Variants in IL12RB1 observed in about 807,000 individuals in gnomAD.
IL12RB1 encodes the protein interleukin-12 receptor subunit beta-1.
IL12RB1 carries 64 observed loss-of-function variants against 94.4 expected under a neutral mutation model. The ratio of observed to expected loss-of-function variants is 0.68; its 90% CI spans 0.55 to 0.83. The LOEUF (loss-of-function observed/expected upper bound fraction) is 0.83. Ranked by LOEUF, IL12RB1 falls within the 40% of genes least tolerant of loss-of-function variation. The pLI is 0.00. For missense variants in IL12RB1, 814 were observed against 855.6 expected (o/e 0.95, Z 0.61); for synonymous variants, 362 against 355.5 (o/e 1.02, Z -0.21).
At chr19:18,071,262 C>T (rs1180818312) in intron 9 of IL12RB1, 1 of 481,572 alleles carries the variant, frequency 2.1e-6, no homozygotes, top group South Asian at 1.6e-5. Context: ...ATCCCAGCTA[C>T]TCGGGAGGCT....
intron 12 of IL12RB1, 120 bp from the exon 13 acceptor site, chr19:18,064,130 C>CTTTATT: frequency 2.2e-6 from 1 of 461,904 alleles, no homozygotes. Flanking sequence ...AATCTCTACT[C>CTTTATT]TTTCTTTCTT....
chr19:18,060,189 T>C (rs2034023685), intron 15 of IL12RB1, 104 bp from the exon 16 acceptor site: 1 of 662,000 alleles, frequency 1.5e-6, no homozygotes. Context: ...TCTAACATCC[T>C]GAGACCTGGA....
Position 18,072,178 on chromosome 19 carries a change from T to C in IL12RB1, c.955A>G (p.Ile319Val). The change falls in exon 9 of 17, where the codon ATC becomes GTC. Residue 319 changes from isoleucine (I) to valine (V), a missense_variant. Coordinates refer to ENST00000593993, the MANE Select transcript of IL12RB1 (RefSeq NM_005535.3). Reference protein sequence around the residue: ...LSGAAYNVAVISSNQFGPGLN... With the variant: ...LSGAAYNVAVVSSNQFGPGLN... ...CCAGGACCAAATTGGTTCGAGGAGA[T>C]GACAGCCACGTTGTAGGCAGCACCC... is the stretch of plus-strand genomic sequence containing the variant. 6.2e-7 allele frequency: 1 copy of C among 1,614,162 alleles called. No individual in the cohort carries two copies. The highest frequency in any genetic ancestry group is 8.5e-7 in the Non-Finnish European group (1 of 1,180,018).
In IL12RB1 at chr19:18,080,968, G is replaced by A. The variant is rs138087003; in HGVS notation, c.273C>T (p.Ala91=). The A allele has an allele frequency of 1.3e-4, 217 of 1,613,548 alleles. No individual in the cohort carries two copies. The African/African-American group carries it at 2.5e-3, about 19-fold the overall frequency. ...AGAACTGCAGCCTGGTGGCTGAGCC[G>A]GCGGCGAAGTAGCAGCAGCGCCCGG... is the stretch of plus-strand genomic sequence containing the variant. The part of the protein sequence containing the change: ...LSSGRCCYFA[A]GSATRLQFSD... The change falls in exon 4 of 17, where the codon GCC becomes GCT. Residue 91 remains alanine, a synonymous_variant. Transcript: ENST00000593993.
intron 5 of IL12RB1, 38 bp downstream of exon 5, chr19:18,077,478 A>G: frequency 1.3e-6 from 2 of 1,548,340 alleles, no homozygotes; most frequent in Non-Finnish European, 1.8e-6. Flanking sequence ...TGCCCTGGAG[A>G]GGCCCGTGTC....
chr19:18,069,499 G>T lies in IL12RB1; in HGVS notation c.1189+47C>A, dbSNP rs902943686. The T allele has an allele frequency of 3.3e-6, 5 of 1,536,198 alleles. No individual in the cohort carries two copies. In the African/African-American group the frequency reaches 5.4e-5, roughly 17 times the overall value. The stretch of plus-strand genomic sequence containing the variant: ...GGTTTGAACCCACCAGGACCTAAAA[G>T]GGAGGGCACAGAGGAGGGGTAGGCG... On this transcript the variant is annotated intron_variant, in intron 10 of 16. Transcript: ENST00000593993.
upstream of IL12RB1, chr19:18,091,494 G>A (rs1249809580): frequency 6.6e-6 from 1 of 152,214 alleles, no homozygotes; most frequent in Non-Finnish European, 1.5e-5. Flanking sequence ...CCGAGGAGGA[G>A]GGCCGAGCTT....
chr19:18,076,994 G>A (rs544127868), intron 5 of IL12RB1, among the ~76,000 whole-genome samples: 44 of 152,200 alleles, frequency 2.9e-4, no homozygotes, highest in Non-Finnish European at 3.8e-4. Context: ...ATATATGGGC[G>A]TTCTCTGCAC....
intron 14 of IL12RB1, 124 bp from the exon 15 acceptor site, chr19:18,061,321 C>G (rs919161959): frequency 4.6e-5 from 27 of 584,182 alleles, no homozygotes; most frequent in African/African-American, 3.0e-4. Context: ...ACCTCTGCCT[C>G]CTGGGTTCAA....
chr19:18,088,390 T>A (rs948838488), upstream of IL12RB1, among the ~76,000 whole-genome samples: 21 of 139,926 alleles, frequency 1.5e-4, no homozygotes, highest in South Asian at 9.1e-4. Flanking sequence ...CATCTCAAAA[T>A]ATATATATAT....
At position 18,082,209 on chromosome 19, in the gene IL12RB1, G is replaced by A. The variant is rs146102898; in HGVS notation, c.180C>T (p.Tyr60=). ...GACCCTCATACTGCCAGGAGCACTC[G>A]TAACGATCACTGGATATCCGATAGC... is the stretch of plus-strand genomic sequence containing the variant. ...LRCYRISSDR[Y]ECSWQYEGPT... Residue 60 remains tyrosine, a synonymous_variant, in exon 3 of 17, where the codon TAC becomes TAT. Transcript: ENST00000593993. 4.3e-4 allele frequency: 691 copies of A among 1,613,920 alleles called. 2 individuals are homozygous for A. In the African/African-American group the frequency reaches 7.3e-3, roughly 17 times the overall value.
At chr19:18,079,770 G>A (rs1242015963) in intron 4 of IL12RB1, among the ~76,000 whole-genome samples, 7 of 152,014 alleles carry the variant, frequency 4.6e-5, no homozygotes, top group Admixed American at 1.3e-4. Context: ...GGTGGCGGGC[G>A]CCTGTAGTCC....
At chr19:18,083,256 A>G in intron 2 of IL12RB1, 176 bp downstream of exon 2, 1 of 712,748 alleles carries the variant, frequency 1.4e-6, no homozygotes, top group Non-Finnish European at 2.6e-6. Flanking sequence ...TGGCTACTCC[A>G]GGGCAACTTG....
intron 1 of IL12RB1, 139 bp from the exon 2 acceptor site, chr19:18,083,630 C>T (rs979450189): frequency 2.7e-6 from 2 of 754,398 alleles, no homozygotes; most frequent in Non-Finnish European, 4.6e-6. Context: ...CTCCTACCAC[C>T]ACCCATCCAT....
chr19:18,075,943 G>A, intron 6 of IL12RB1, 75 bp from the exon 7 acceptor site: 3 of 1,392,934 alleles, frequency 2.2e-6, no homozygotes, highest in Non-Finnish European at 3.1e-6. Flanking sequence ...ACCATCATGT[G>A]CTTATTGAGC....
upstream of IL12RB1, among the ~76,000 whole-genome samples, chr19:18,088,388 A>T (rs537610995): frequency 1.2e-4 from 13 of 108,520 alleles, no homozygotes; most frequent in Admixed American, 6.7e-4. Context: ...TCCATCTCAA[A>T]ATATATATAT....
At chr19:18,062,347 G>T in intron 13 of IL12RB1, 70 bp from the exon 14 acceptor site, 2 of 946,234 alleles carry the variant, frequency 2.1e-6, no homozygotes, top group Non-Finnish European at 1.6e-6. Flanking sequence ...AGCTAGGAGG[G>T]CCTGGTTTCT....
rs150816599 is a variant in IL12RB1, at chr19:18,082,237, C to G, written c.152G>C (p.Arg51Thr). Residue 51 changes from arginine to threonine, a missense_variant, in exon 3 of 17, where the codon AGA becomes ACA. Transcript: ENST00000593993. The part of the protein sequence containing the change: ...SGSASGPRDL[R>T]CYRISSDRYE... ...ACGATCACTGGATATCCGATAGCATCTCAGGTCCCTAGGGCCCGAGGCCGA... is the reference window on the plus strand; with the variant it reads ...ACGATCACTGGATATCCGATAGCATGTCAGGTCCCTAGGGCCCGAGGCCGA... 4 of 1,613,212 alleles carry G rather than the reference C, an allele frequency of 2.5e-6. No homozygotes were observed. The highest frequency in any genetic ancestry group is 1.3e-5 in the African/African-American group (1 of 74,898).
rs1433473042 is a variant in IL12RB1, at chr19:18,080,839, G to A, written c.402C>T (p.Tyr134=). 1 of 1,605,778 alleles carries A rather than the reference G, an allele frequency of 6.2e-7. No individual in the cohort carries two copies. Residue 134 remains tyrosine (Y), a synonymous_variant, in exon 4 of 17, where the codon TAC becomes TAT. Coordinates refer to ENST00000593993, the MANE Select transcript of IL12RB1 (RefSeq NM_005535.3). The part of the protein sequence containing the change: ...EKSPEVTLQL[Y]NSVKYEPPLG... ...GGAGAACAAGGTGCTAACCTGAGTTGTAGAGCTGCAGGGTCACCTCAGGAG... is the reference window on the plus strand; with the variant it reads ...GGAGAACAAGGTGCTAACCTGAGTTATAGAGCTGCAGGGTCACCTCAGGAG...
Sources: allele counts gnomAD v4.1 joint callset (sites outside exome capture counted in the v4.1 genomes callset), GRCh38; gene constraint gnomAD v4.1.1; transcripts MANE v1.5; gene names NCBI Gene and HGNC (gene_info 2026-07-23, HGNC 2026-07-21).